Variants in STYK1 observed in about 807,000 individuals in gnomAD.
The protein encoded by STYK1 is tyrosine-protein kinase STYK1.
A neutral mutation model predicts 48.1 loss-of-function variants in STYK1; 46 were observed. The observed-to-expected ratio is 0.96, with a 90% CI of 0.75 to 1.22. The LOEUF is 1.22. Among genes scored for constraint, STYK1 ranks in the 50% most tolerant of loss-of-function variants. The pLI is 0.00. For missense variants in STYK1, 527 were observed against 521.1 expected, an observed-to-expected ratio of 1.01 and a Z score of -0.11; for synonymous variants, 188 against 189.0, an observed-to-expected ratio of 0.99 and a Z score of 0.04.
chr12:10,671,747 C>T (rs1947893839), intron 1 of STYK1, among the ~76,000 whole-genome samples: 1 of 152,204 alleles, frequency 6.6e-6, no homozygotes. Flanking sequence ...AACAGAGCTG[C>T]AGAATCACAT....
At chr12:10,666,497 C>T (rs1193416610) in intron 1 of STYK1, among the ~76,000 whole-genome samples, 1 of 152,176 alleles carries the variant, frequency 6.6e-6, no homozygotes, top group East Asian at 1.9e-4. Flanking sequence ...ACAACTAAAA[C>T]CAATCATTTC....
chr12:10,629,573 T>C lies in STYK1; in HGVS notation c.553A>G (p.Thr185Ala), dbSNP rs533199675. The C allele has an allele frequency of 1.2e-6, 2 of 1,614,190 alleles. No individual in the cohort carries two copies. Among genetic ancestry groups the C allele is most frequent in the Admixed American group, 1.7e-5 (1 of 60,030 alleles). Residue 185 changes from threonine (T) to alanine (A), a missense_variant, in exon 6 of 11, where the codon ACT becomes GCT. Physicochemically the swap from Thr to Ala is moderately conservative, Grantham distance 58. Transcript: ENST00000075503. ...KNLVQLEGCCTEKLPLYMVLE... is the reference protein window; with the variant it reads ...KNLVQLEGCCAEKLPLYMVLE... ...ACCATATAGAGTGGCAGCTTTTCAG[T>C]GCAGCAGCCTTCCAGCTGCACCAGG...
chr12:10,646,525 T>A (rs1321836823), intron 1 of STYK1, among the ~76,000 whole-genome samples: 9 of 152,140 alleles, frequency 5.9e-5, no homozygotes, highest in Admixed American at 5.9e-4. Context: ...TTCAGTTTTA[T>A]AAGGGAAACA....
At chr12:10,648,310 C>T (rs1947622809) in intron 1 of STYK1, among the ~76,000 whole-genome samples, 1 of 151,908 alleles carries the variant, frequency 6.6e-6, no homozygotes, top group Non-Finnish European at 1.5e-5. Flanking sequence ...TTTGTGATAA[C>T]TTCCTAAGCT....
chr12:10,633,938 C>T (rs771535047), intron 4 of STYK1, 52 bp downstream of exon 4: 4 of 1,589,954 alleles, frequency 2.5e-6, no homozygotes, highest in African/African-American at 2.7e-5. Flanking sequence ...ATACTTTTTC[C>T]TAATCTCCAT....
intron 1 of STYK1, among the ~76,000 whole-genome samples, chr12:10,661,459 C>G (rs1947776126): frequency 6.6e-6 from 1 of 152,214 alleles, no homozygotes. Flanking sequence ...GTGAAGCAAT[C>G]TGCTTTGGAA....
intron 1 of STYK1, among the ~76,000 whole-genome samples, chr12:10,648,237 T>C (rs868475090): frequency 9.9e-5 from 15 of 152,098 alleles, no homozygotes; most frequent in Admixed American, 3.3e-4. Context: ...CAAAATAAAT[T>C]TTGGGAAAAA....
At chr12:10,629,254 A>G (rs1947393090) in intron 6 of STYK1, among the ~76,000 whole-genome samples, 1 of 152,198 alleles carries the variant, frequency 6.6e-6, no homozygotes, top group Non-Finnish European at 1.5e-5. Context: ...TCTCCATCAC[A>G]TCAGCCACAC....
intron 4 of STYK1, 37 bp from the exon 5 acceptor site, chr12:10,631,345 G>C (rs757556967): frequency 1.3e-6 from 2 of 1,598,560 alleles, no homozygotes; most frequent in East Asian, 4.5e-5. Context: ...GTTTTTCCCC[G>C]CCCTGGGGAT....
intron 8 of STYK1, among the ~76,000 whole-genome samples, chr12:10,623,884 C>G (rs1565558144): frequency 6.6e-6 from 1 of 151,888 alleles, no homozygotes; most frequent in Non-Finnish European, 1.5e-5. Flanking sequence ...GAAACTCATC[C>G]TTATAAAAAG....
intron 8 of STYK1, among the ~76,000 whole-genome samples, chr12:10,623,967 G>T (rs1340639981): frequency 1.3e-5 from 2 of 151,896 alleles, no homozygotes; most frequent in Non-Finnish European, 2.9e-5. Context: ...GTTATTGAAG[G>T]TATGTATATT....
chr12:10,646,011 G>T (rs1947595047), intron 1 of STYK1, among the ~76,000 whole-genome samples: 1 of 152,128 alleles, frequency 6.6e-6, no homozygotes, highest in Non-Finnish European at 1.5e-5. Context: ...TAGTCACTTG[G>T]AACCGTAAGT....
chr12:10,630,628 A>G (rs1591679539), intron 5 of STYK1, among the ~76,000 whole-genome samples: 1 of 151,670 alleles, frequency 6.6e-6, no homozygotes, highest in African/African-American at 2.4e-5. Flanking sequence ...CCGCATTAAC[A>G]GAATAAAGGA....
At chr12:10,624,956 A>C in intron 7 of STYK1, 97 bp from the exon 8 acceptor site, 1 of 1,006,830 alleles carries the variant, frequency 9.9e-7, no homozygotes. Context: ...AAACACAAGG[A>C]CATTTTCTAC....
Position 10,622,682 on chromosome 12 carries a change from T to C in STYK1, c.927-4A>G, listed in dbSNP as rs113834385. 2,014 of 1,613,872 alleles carry C rather than the reference T, an allele frequency of 1.2e-3. 15 individuals are homozygous for C. In the African/African-American group the frequency reaches 0.023, roughly 19 times the overall value. ...GAGCAGGATCCCAAAAGACCAGCTG[T>C]AAAAGAAACAAAGCCATCTATTTAA... On this transcript the variant is annotated splice_region_variant and splice_polypyrimidine_tract_variant and intron_variant, in intron 8 of 10. Coordinates refer to ENST00000075503, the MANE Select transcript of STYK1 (RefSeq NM_018423.3).
At chr12:10,631,381 T>C in intron 4 of STYK1, 73 bp from the exon 5 acceptor site, 4 of 1,564,488 alleles carry the variant, frequency 2.6e-6, no homozygotes, top group South Asian at 2.4e-5. Context: ...CTGAAACAAA[T>C]TGGCAAGGAG....
intron 1 of STYK1, among the ~76,000 whole-genome samples, chr12:10,654,740 G>A (rs371787397): frequency 6.6e-6 from 1 of 152,150 alleles, no homozygotes; most frequent in Non-Finnish European, 1.5e-5. Flanking sequence ...GGGATTAGAG[G>A]CCCCTCTCAG....
intron 1 of STYK1, among the ~76,000 whole-genome samples, chr12:10,662,942 G>T (rs7969783): frequency 5.7e-4 from 87 of 152,012 alleles, no homozygotes; most frequent in Admixed American, 5.4e-3. Context: ...TTTACACTTA[G>T]GTTTTTCCTA....
In STYK1 at chr12:10,636,905, G is replaced by A. The variant is rs1246203711; in HGVS notation, c.-69+166C>T. Among the ~76,000 whole-genome samples the A allele has an allele frequency of 3.3e-5, 5 of 152,100 alleles. No homozygotes were observed. In the South Asian group the frequency reaches 6.2e-4, roughly 19 times the overall value. ...CCACTAATACATACTGAAGGGAGTC[G>A]TTTAAAGCCATGTGTACGTGTACCC... On this transcript the variant is annotated intron_variant, in intron 2 of 10. Coordinates refer to ENST00000075503, the MANE Select transcript of STYK1 (RefSeq NM_018423.3).
Sources: gnomAD v4.1 joint callset for allele counts (sites outside exome capture counted in the v4.1 genomes callset) on GRCh38, gnomAD v4.1.1 for gene constraint, MANE v1.5 for transcripts, NCBI Gene and HGNC (gene_info 2026-07-23, HGNC 2026-07-21) for gene names.